Variants in CBL observed in about 807,000 individuals in gnomAD.
CBL encodes E3 ubiquitin-protein ligase CBL.
In CBL, 45 loss-of-function variants were observed where a neutral mutation model predicts 96.9. The observed-to-expected ratio is 0.46, with a 90% confidence interval of 0.37 to 0.60. The LOEUF (loss-of-function observed/expected upper bound fraction) is 0.60, where lower values mean the gene tolerates loss of function less well. CBL is among the 20% of genes least tolerant of loss of function. The probability of loss-of-function intolerance (pLI) is 0.00; values close to 1 mark genes in which losing one functional copy is unlikely to be tolerated. For synonymous variants in CBL, 420 were observed against 426.8 expected (o/e 0.98, Z 0.20); for missense variants, 1,024 against 1,143.5 (o/e 0.90, Z 1.51).
intron 1 of CBL, among the ~76,000 whole-genome samples, chr11:119,231,711 AAAACAAAC>A (rs564610744): frequency 6.6e-6 from 1 of 152,288 alleles, no homozygotes. Flanking sequence ...TCTGTCTCAA[AAAACAAAC>A]AAACAAACAA....
At chr11:119,244,795 C>A (rs1949613600) in intron 2 of CBL, among the ~76,000 whole-genome samples, 1 of 151,894 alleles carries the variant, frequency 6.6e-6, no homozygotes, top group Non-Finnish European at 1.5e-5. Flanking sequence ...AAGCAATCCG[C>A]CCCACCTTAC....
At chr11:119,297,550 A>G (rs1950073051) in intron 14 of CBL, 69 bp downstream of exon 14, 1 of 1,171,282 alleles carries the variant, frequency 8.5e-7, no homozygotes, top group Admixed American at 1.7e-5. Flanking sequence ...ATATTTGGCA[A>G]TTGAGATAGC....
At chr11:119,228,656 C>T (rs1214134982) in intron 1 of CBL, among the ~76,000 whole-genome samples, 2 of 151,976 alleles carry the variant, frequency 1.3e-5, no homozygotes, top group Non-Finnish European at 2.9e-5. Context: ...GTGGCCCAGG[C>T]TGGAGTGCAG....
intron 7 of CBL, 151 bp from the exon 8 acceptor site, chr11:119,278,015 T>C: frequency 1.2e-6 from 1 of 865,602 alleles, no homozygotes; most frequent in Non-Finnish European, 1.8e-6. Flanking sequence ...CCAGACTAGA[T>C]GCTTTCTGGT....
intron 14 of CBL, 144 bp from the exon 15 acceptor site, chr11:119,298,214 G>A (rs1950076635): frequency 1.3e-6 from 1 of 762,742 alleles, no homozygotes; most frequent in Non-Finnish European, 2.3e-6. Flanking sequence ...TGTTTACATG[G>A]TGTTTGGCCC....
At chr11:119,247,778 C>A (rs1242111024) in intron 2 of CBL, among the ~76,000 whole-genome samples, 4 of 152,160 alleles carry the variant, frequency 2.6e-5, no homozygotes, top group Admixed American at 2.6e-4. Flanking sequence ...TGCCACTGCA[C>A]TTCAACTTGG....
At chr11:119,226,601 G>A (rs929484101) in intron 1 of CBL, among the ~76,000 whole-genome samples, 1 of 151,946 alleles carries the variant, frequency 6.6e-6, no homozygotes, top group African/African-American at 2.4e-5. Context: ...GGGACTCCAG[G>A]TGTGTGCCAC....
Position 119,274,885 on chromosome 11 carries a change from C to T in CBL, c.801C>T (p.Gly267=), listed in dbSNP as rs727502913. Residue 267 remains glycine (G), a synonymous_variant, in exon 5 of 16, where the codon GGC becomes GGT. Coordinates refer to ENST00000264033, the MANE Select transcript of CBL (RefSeq NM_005188.4). ...NWNSLAVTHP[G]YMAFLTYDEV... Reference sequence around the variant, plus strand: ...ACAGCCTTGCTGTAACTCATCCTGGCTACATGGCTTTTTTGACGTATGACG... The same window carrying T: ...ACAGCCTTGCTGTAACTCATCCTGGTTACATGGCTTTTTTGACGTATGACG... 6 of 1,613,804 alleles carry T rather than the reference C, an allele frequency of 3.7e-6. No individual in the cohort carries two copies. The East Asian group carries it at 6.7e-5, about 18-fold the overall frequency.
At chr11:119,295,058 T>C (rs961138678) in intron 12 of CBL, among the ~76,000 whole-genome samples, 2 of 152,208 alleles carry the variant, frequency 1.3e-5, no homozygotes, top group Non-Finnish European at 2.9e-5. Flanking sequence ...GTTTGTAAAA[T>C]AGATAAGAAC....
At chr11:119,240,088 T>TG (rs1176684347) in intron 2 of CBL, among the ~76,000 whole-genome samples, 3 of 152,072 alleles carry the variant, frequency 2.0e-5, no homozygotes, top group Non-Finnish European at 4.4e-5. Context: ...GGTCAGGAGT[T>TG]GGAGACCAGC....
At chr11:119,240,435 T>A in intron 2 of CBL, among the ~76,000 whole-genome samples, 1 of 152,246 alleles carries the variant, frequency 6.6e-6, no homozygotes, top group Non-Finnish European at 1.5e-5. Flanking sequence ...CTTCTGGTAT[T>A]ACTTCCATAC....
intron 6 of CBL, 76 bp from the exon 7 acceptor site, chr11:119,277,681 C>A (rs1949900122): frequency 1.1e-6 from 1 of 944,058 alleles, no homozygotes; most frequent in Non-Finnish European, 1.7e-6. Context: ...GAGAAACTCC[C>A]AGATTCCATT....
chr11:119,218,780 A>G (rs1177804804), intron 1 of CBL, among the ~76,000 whole-genome samples: 1 of 152,236 alleles, frequency 6.6e-6, no homozygotes, highest in Non-Finnish European at 1.5e-5. Flanking sequence ...GCATAAGAGT[A>G]ATGATGTCGG....
intron 2 of CBL, among the ~76,000 whole-genome samples, chr11:119,263,855 C>CT (rs1949773991): frequency 6.6e-6 from 1 of 152,156 alleles, no homozygotes; most frequent in African/African-American, 2.4e-5. Context: ...TTAGATGACA[C>CT]TAGTGTTTGG....
chr11:119,219,387 A>AAAAG (rs953187695), intron 1 of CBL, among the ~76,000 whole-genome samples: 65 of 151,714 alleles, frequency 4.3e-4, no homozygotes, highest in African/African-American at 1.5e-3. Context: ...AAAAAAAAAA[A>AAAAG]AAAGAAAGAA....
intron 13 of CBL, 138 bp from the exon 14 acceptor site, chr11:119,297,246 A>G: frequency 1.3e-6 from 1 of 788,304 alleles, no homozygotes; most frequent in Non-Finnish European, 2.2e-6. Context: ...TCAAAAACAC[A>G]TACACCTATA....
intron 2 of CBL, among the ~76,000 whole-genome samples, chr11:119,248,924 A>G (rs1179853494): frequency 2.0e-5 from 3 of 152,214 alleles, no homozygotes; most frequent in Non-Finnish European, 2.9e-5. Context: ...TCAAAACCAC[A>G]ATGAGATACC....
rs1257650494 is a variant in CBL, at chr11:119,206,472, G to A, written c.55G>A (p.Gly19Ser). 5.1e-6 allele frequency: 8 copies of A among 1,576,770 alleles called. No homozygotes were observed. The highest frequency in any genetic ancestry group is 1.8e-5 in the Admixed American group (1 of 54,764). ...GGCCGGGGGCGGCAGCGGCTCCGGG[G>A]GCTCGGGTTCGGGTGGCCTGATTGG... ...SGAGGGSGSG[G>S]SGSGGLIGLM... The change falls in exon 1 of 16, where the codon GGC becomes AGC. Residue 19 changes from glycine to serine, a missense_variant. By Grantham distance (56) the Gly-to-Ser change is moderately conservative. Transcript: ENST00000264033.
At chr11:119,268,326 A>T (rs1949819122) in intron 2 of CBL, among the ~76,000 whole-genome samples, 1 of 152,190 alleles carries the variant, frequency 6.6e-6, no homozygotes, top group African/African-American at 2.4e-5. Context: ...ACATAAATAG[A>T]AGGTAGGAAT....
Sources: gnomAD v4.1 joint callset for allele counts (sites outside exome capture counted in the v4.1 genomes callset) on GRCh38, gnomAD v4.1.1 for gene constraint, MANE v1.5 for transcripts, NCBI Gene and HGNC (gene_info 2026-07-23, HGNC 2026-07-21) for gene names.